The following SAMSN1 variants were observed in gnomAD, a reference collection of about 807,000 sequenced individuals.
SAMSN1 encodes the protein SAM domain-containing protein SAMSN-1.
Under a neutral mutation model 42.0 loss-of-function variants are expected in SAMSN1, and 31 were observed. The ratio of observed to expected loss-of-function variants is 0.74; its 90% confidence interval spans 0.55 to 1.00. SAMSN1 has a LOEUF of 1.00. Among genes scored for constraint, SAMSN1 ranks in the 50% least tolerant of loss-of-function variants. The pLI is 0.00. For missense variants in SAMSN1, 464 were observed against 439.4 expected (o/e 1.06, Z -0.50); for synonymous variants, 178 against 151.9 (o/e 1.17, Z -1.26).
rs547018875 is a variant in SAMSN1 at position 14,556,389 on chromosome 21, G to A, written c.261+25747C>T. Reference sequence around the variant, plus strand: ...TTACAAATAAATAGAAAATAATTACGGTGGATGTTTTTAATGAAAAAATGT... The same window carrying A: ...TTACAAATAAATAGAAAATAATTACAGTGGATGTTTTTAATGAAAAAATGT... On this transcript the variant is annotated intron_variant, in intron 2 of 8. Transcript: ENST00000285670. 7.9e-5 allele frequency among the ~76,000 whole-genome samples: 12 copies of A among 152,140 alleles called. No homozygotes were observed. The East Asian group carries it at 9.6e-4, about 12-fold the overall frequency.
intron 7 of SAMSN1, among the ~76,000 whole-genome samples, chr21:14,493,242 G>A (rs1195948168): frequency 6.6e-6 from 1 of 152,168 alleles, no homozygotes; most frequent in African/African-American, 2.4e-5. Context: ...ATTTGGCACT[G>A]CAACCAGAGT....
intron 2 of SAMSN1, among the ~76,000 whole-genome samples, chr21:14,571,309 C>T (rs985731254): frequency 1.2e-4 from 18 of 152,126 alleles, no homozygotes; most frequent in Admixed American, 9.8e-4. Flanking sequence ...TTGATTTTAA[C>T]GTATCTTGTG....
intron 2 of SAMSN1, among the ~76,000 whole-genome samples, chr21:14,564,232 G>A (rs924306042): frequency 1.3e-5 from 2 of 152,122 alleles, no homozygotes; most frequent in African/African-American, 2.4e-5. Context: ...AGACGCCGAT[G>A]GAGAATATGG....
At chr21:14,656,550 C>T (rs540794409) in intron 1 of SAMSN1, among the ~76,000 whole-genome samples, 1 of 151,788 alleles carries the variant, frequency 6.6e-6, no homozygotes, top group African/African-American at 2.4e-5. Flanking sequence ...TTTCTAAAAG[C>T]CTCATCATGA....
In SAMSN1 at chr21:14,516,959, C is replaced by G; in HGVS notation, c.212G>C (p.Arg71Thr). 6.2e-7 allele frequency: 1 copy of G among 1,613,384 alleles called. No homozygotes were observed. Among genetic ancestry groups the G allele is most frequent in the Non-Finnish European group, 8.5e-7 (1 of 1,179,566 alleles). Residue 71 changes from arginine to threonine, a missense_variant, in exon 3 of 8, where the codon AGA becomes ACA. By Grantham distance (71) the Arg-to-Thr change is moderately conservative. Transcript: ENST00000400566. ...TTTCTTCATTGTCCATGAAATAGCT[C>G]TCATTTTTTTACCCAAACCGCCTCC... ...NNGGGLGKKMRAISWTMKKKV... is the reference protein window; with the variant it reads ...NNGGGLGKKMTAISWTMKKKV...
chr21:14,542,405 C>A (rs1046795508), intron 1 of SAMSN1, among the ~76,000 whole-genome samples: 49 of 152,002 alleles, frequency 3.2e-4, no homozygotes, highest in Admixed American at 1.6e-3. Flanking sequence ...ACAGTTGTTA[C>A]AAATATTAAA....
At chr21:14,611,011 A>G (rs1191825918) in intron 4 of SAMSN1, among the ~76,000 whole-genome samples, 1 of 152,134 alleles carries the variant, frequency 6.6e-6, no homozygotes, top group East Asian at 1.9e-4. Context: ...TTGTGGCCTC[A>G]AATTCCTGGG....
chr21:14,535,704 A>G (rs537810217), intron 1 of SAMSN1, among the ~76,000 whole-genome samples: 1 of 152,184 alleles, frequency 6.6e-6, no homozygotes, highest in Non-Finnish European at 1.5e-5. Flanking sequence ...ACAGAGAGAG[A>G]CATCAGGAGC....
intron 7 of SAMSN1, among the ~76,000 whole-genome samples, chr21:14,486,373 C>T (rs1483109404): frequency 6.6e-6 from 1 of 152,090 alleles, no homozygotes; most frequent in East Asian, 1.9e-4. Context: ...ATGTGAACTT[C>T]CCGCATCAGC....
intron 4 of SAMSN1, among the ~76,000 whole-genome samples, chr21:14,610,820 T>G (rs1453799713): frequency 2.0e-5 from 3 of 152,252 alleles, no homozygotes; most frequent in Non-Finnish European, 2.9e-5. Context: ...CTTATTCCCA[T>G]GAACTACATA....
intron 2 of SAMSN1, among the ~76,000 whole-genome samples, chr21:14,618,228 C>CA (rs1428457457): frequency 2.0e-5 from 3 of 152,064 alleles, no homozygotes; most frequent in African/African-American, 7.2e-5. Context: ...ATATTTTGGG[C>CA]AAAAAATTGA....
chr21:14,537,164 C>A (rs1407924339), intron 1 of SAMSN1, among the ~76,000 whole-genome samples: 1 of 152,218 alleles, frequency 6.6e-6, no homozygotes, highest in African/African-American at 2.4e-5. Flanking sequence ...GCGGCTCTTC[C>A]CGCTATGCAC....
upstream of SAMSN1, among the ~76,000 whole-genome samples, chr21:14,585,951 T>C (rs1981902527): frequency 2.0e-5 from 3 of 152,038 alleles, no homozygotes; most frequent in Middle Eastern, 0.01. Context: ...CAACTATGTA[T>C]TAAAAAGAAA....
chr21:14,518,348 TTGTC>T lies in SAMSN1; in HGVS notation c.130-1311_130-1308del, dbSNP rs1406198246. Among the ~76,000 whole-genome samples the T allele has an allele frequency of 3.3e-5, 5 of 152,232 alleles. No homozygotes were observed. The South Asian group carries it at 6.2e-4, about 19-fold the overall frequency. Reference sequence around the variant, plus strand: ...TGCATGCTCCATGAGACTTGAGACTTTGTCTGTTTTCTTTGAGTGTCTAGAGTAC... The same window carrying T: ...TGCATGCTCCATGAGACTTGAGACTTTGTTTTCTTTGAGTGTCTAGAGTAC... On this transcript the variant is annotated intron_variant, in intron 2 of 7. Transcript: ENST00000400566.
At chr21:14,574,331 T>A (rs1981393818) in intron 2 of SAMSN1, among the ~76,000 whole-genome samples, 1 of 152,200 alleles carries the variant, frequency 6.6e-6, no homozygotes, top group African/African-American at 2.4e-5. Context: ...GGAACTAATC[T>A]AAATTACAAA....
intron 1 of SAMSN1, among the ~76,000 whole-genome samples, chr21:14,542,144 A>AACTTACAGACGC (rs1980086831): frequency 1.3e-5 from 2 of 152,330 alleles, no homozygotes; most frequent in South Asian, 4.1e-4. Context: ...ACGATTTCTA[A>AACTTACAGACGC]ACTTACAGAC....
intron 1 of SAMSN1, among the ~76,000 whole-genome samples, chr21:14,541,855 T>C (rs963876730): frequency 6.6e-6 from 1 of 151,950 alleles, no homozygotes; most frequent in Non-Finnish European, 1.5e-5. Flanking sequence ...TAGCTGAGCA[T>C]GGTGGTGCAG....
intron 2 of SAMSN1, among the ~76,000 whole-genome samples, chr21:14,639,855 G>A (rs138817593): frequency 4.4e-3 from 677 of 152,200 alleles, no homozygotes; most frequent in South Asian, 0.015. Context: ...ACTGCAAGTG[G>A]ATCACCTATT....
intron 5 of SAMSN1, among the ~76,000 whole-genome samples, chr21:14,501,913 G>T (rs548131101): frequency 1.3e-5 from 2 of 152,256 alleles, no homozygotes; most frequent in Admixed American, 6.5e-5. Flanking sequence ...CCAGTTATTG[G>T]CAAGGGTAGA....
Sources: gnomAD v4.1 joint callset for allele counts (sites outside exome capture counted in the v4.1 genomes callset) on GRCh38, gnomAD v4.1.1 for gene constraint, MANE v1.5 for transcripts, NCBI Gene and HGNC (gene_info 2026-07-23, HGNC 2026-07-21) for gene names.